Variants in GLIS3 observed in about 807,000 individuals in gnomAD.
The protein encoded by GLIS3 is GLIS family zinc finger 3.
Under a neutral mutation model 78.6 loss-of-function variants are expected in GLIS3, and 53 were observed. That is an observed-to-expected ratio of 0.67 (90% CI 0.54 to 0.85). GLIS3 has a LOEUF of 0.85. Ranked by LOEUF, GLIS3 falls within the 40% of genes least tolerant of loss-of-function variation. The pLI is 0.00. For missense variants in GLIS3, 1,703 were observed against 1,231.1 expected, an observed-to-expected ratio of 1.38 and a Z score of -5.74; for synonymous variants, 684 against 509.9, an observed-to-expected ratio of 1.34 and a Z score of -4.60.
chr9:4,165,982 G>A (rs1033260961), intron 2 of GLIS3, among the ~76,000 whole-genome samples: 7 of 152,150 alleles, frequency 4.6e-5, no homozygotes, highest in African/African-American at 1.7e-4. Flanking sequence ...GGTGGAAGGG[G>A]AACAGAGCAC....
chr9:4,010,784 C>G (rs1289198250), intron 4 of GLIS3, among the ~76,000 whole-genome samples: 4 of 152,296 alleles, frequency 2.6e-5, no homozygotes, highest in African/African-American at 9.6e-5. Context: ...TACTAAATCT[C>G]TTTGTGCATC....
intron 2 of GLIS3, among the ~76,000 whole-genome samples, chr9:4,187,624 A>G (rs1451229065): frequency 6.6e-6 from 1 of 152,190 alleles, no homozygotes; most frequent in African/African-American, 2.4e-5. Context: ...CTTCCTACCC[A>G]TGAGCATGGA....
intron 4 of GLIS3, among the ~76,000 whole-genome samples, chr9:3,944,548 G>A (rs946199248): frequency 2.6e-5 from 4 of 152,168 alleles, no homozygotes; most frequent in African/African-American, 9.7e-5. Context: ...TTGCCTGGAG[G>A]TTGTGTAAAC....
At chr9:4,252,303 C>A (rs562430542) in intron 2 of GLIS3, among the ~76,000 whole-genome samples, 9 of 151,980 alleles carry the variant, frequency 5.9e-5, no homozygotes, top group Non-Finnish European at 1.3e-4. Flanking sequence ...TTTGTTCATT[C>A]CTTTTCATTC....
intron 4 of GLIS3, among the ~76,000 whole-genome samples, chr9:3,973,294 A>G (rs1818526045): frequency 6.6e-6 from 1 of 152,080 alleles, no homozygotes; most frequent in South Asian, 2.1e-4. Context: ...TTAGGGCTCC[A>G]TTGCATCATT....
At chr9:4,307,020 G>A (rs955373932) in intron 4 of GLIS3, among the ~76,000 whole-genome samples, 2 of 152,230 alleles carry the variant, frequency 1.3e-5, no homozygotes, top group African/African-American at 4.8e-5. Flanking sequence ...AGGAGAAAGT[G>A]AAGGTGGCAA....
the GLIS3 span, among the ~76,000 whole-genome samples, chr9:4,402,086 T>A: frequency 2.6e-5 from 4 of 152,314 alleles, no homozygotes; most frequent in East Asian, 1.9e-4. Flanking sequence ...AGGAAAGGCC[T>A]TGGGCAAGAC....
At chr9:4,145,983 T>A (rs1467478402) in intron 2 of GLIS3, among the ~76,000 whole-genome samples, 1 of 152,178 alleles carries the variant, frequency 6.6e-6, no homozygotes, top group Admixed American at 6.5e-5. Context: ...CATGGACAAT[T>A]GAGACAAAGC....
intron 2 of GLIS3, among the ~76,000 whole-genome samples, chr9:4,221,924 A>G (rs1353779239): frequency 6.6e-6 from 1 of 152,222 alleles, no homozygotes; most frequent in East Asian, 1.9e-4. Flanking sequence ...CACTTATTTA[A>G]GAGTCTGGGC....
chr9:4,158,427 G>C (rs796972743), intron 2 of GLIS3, among the ~76,000 whole-genome samples: 41 of 152,272 alleles, frequency 2.7e-4, no homozygotes, highest in African/African-American at 9.4e-4. Context: ...AAGTGGGTCA[G>C]GCAGGAAGGG....
At chr9:4,238,280 T>C (rs1167585685) in intron 2 of GLIS3, among the ~76,000 whole-genome samples, 2 of 137,414 alleles carry the variant, frequency 1.5e-5, no homozygotes, top group African/African-American at 7.2e-5. Context: ...TATTTAATCC[T>C]CCCCCACCCC....
chr9:4,049,111 C>T (rs1471578364), intron 4 of GLIS3, among the ~76,000 whole-genome samples: 1 of 152,160 alleles, frequency 6.6e-6, no homozygotes, highest in Non-Finnish European at 1.5e-5. Flanking sequence ...ATCACACAAA[C>T]ACACAATGCA....
chr9:4,109,241 G>C (rs920338414), intron 4 of GLIS3, among the ~76,000 whole-genome samples: 2 of 152,172 alleles, frequency 1.3e-5, no homozygotes, highest in Admixed American at 1.3e-4. Flanking sequence ...TTGTTTAACA[G>C]TACAATACTT....
intron 4 of GLIS3, among the ~76,000 whole-genome samples, chr9:4,069,767 T>A (rs1827431622): frequency 6.6e-6 from 1 of 152,124 alleles, no homozygotes; most frequent in African/African-American, 2.4e-5. Context: ...TTTGTTATTT[T>A]GCCAAAGCTC....
rs1339285375 is a variant in GLIS3, at chr9:3,824,673, T to C, written c.*3599A>G. 6.5e-6 allele frequency: 1 copy of C among 152,674 alleles called. No individual in the cohort carries two copies. Among genetic ancestry groups the C allele is most frequent in the Non-Finnish European group, 1.5e-5 (1 of 68,046 alleles). 9.5% of individuals were successfully genotyped at this position (152,674 alleles called of 1,614,324 possible). A position where few individuals can be genotyped will look rare whatever the true frequency, so the allele number is the denominator to read the frequency against. On this transcript the variant is annotated 3_prime_UTR_variant, in exon 11 of 11. Coordinates refer to ENST00000381971, the MANE Select transcript of GLIS3 (RefSeq NM_001042413.2). The stretch of plus-strand genomic sequence containing the variant: ...AAGATTTATGACAATAAGCACCAGA[T>C]GTGCCTCTAGAGTAAAATCGGCCCC...
At chr9:4,346,129 C>T (rs1474843997) in intron 2 of GLIS3, among the ~76,000 whole-genome samples, 2 of 151,802 alleles carry the variant, frequency 1.3e-5, no homozygotes, top group African/African-American at 4.8e-5. Flanking sequence ...AGACATATTA[C>T]AAAAATCGAT....
chr9:4,229,281 C>T lies in GLIS3; in HGVS notation c.388+56757G>A, dbSNP rs562704402. ...CACTTTGTGCAAAAATTTTACCATG[C>T]GCACATACTTTCAAAAGATTTTAAG... On this transcript the variant is annotated intron_variant, in intron 2 of 10. Coordinates refer to ENST00000381971, the MANE Select transcript of GLIS3 (RefSeq NM_001042413.2). 1.1e-4 allele frequency among the ~76,000 whole-genome samples: 17 copies of T among 152,230 alleles called. No individual in the cohort carries two copies. The South Asian group carries it at 2.5e-3, about 22-fold the overall frequency.
At chr9:4,246,642 A>G (rs1309885525) in intron 2 of GLIS3, among the ~76,000 whole-genome samples, 1 of 152,158 alleles carries the variant, frequency 6.6e-6, no homozygotes, top group Non-Finnish European at 1.5e-5. Context: ...ACTAACTGCT[A>G]CTGACTCAAG....
At chr9:4,026,321 C>T (rs2130210535) in intron 4 of GLIS3, among the ~76,000 whole-genome samples, 1 of 152,256 alleles carries the variant, frequency 6.6e-6, no homozygotes, top group East Asian at 1.9e-4. Context: ...TAATTTTTTC[C>T]TAGCAAACAC....
Sources: allele counts gnomAD v4.1 joint callset (sites outside exome capture counted in the v4.1 genomes callset), GRCh38; gene constraint gnomAD v4.1.1; transcripts MANE v1.5; gene names NCBI Gene and HGNC (gene_info 2026-07-23, HGNC 2026-07-21).